RBFOX1: variants seen among roughly 807,000 people sequenced by gnomAD.
The protein encoded by RBFOX1 is RNA binding fox-1 homolog 1, also known as RNA binding protein fox-1 homolog 1.
RBFOX1 carries 8 observed loss-of-function variants against 57.7 expected under a neutral mutation model. That is an observed-to-expected ratio of 0.14 (90% CI 0.08 to 0.25). RBFOX1 has a LOEUF of 0.25. Ranked by LOEUF, RBFOX1 falls within the 10% of genes least tolerant of loss-of-function variation. The pLI is 1.00. For synonymous variants in RBFOX1, 326 were observed against 222.4 expected (o/e 1.47, Z -4.15); for missense variants, 611 against 548.5 (o/e 1.11, Z -1.14).
intron 3 of RBFOX1, among the ~76,000 whole-genome samples, chr16:5,681,685 G>T (rs913585348): frequency 1.3e-5 from 2 of 152,070 alleles, no homozygotes; most frequent in Non-Finnish European, 2.9e-5. Context: ...GAGCCACTGT[G>T]CCCGGCCGGT....
intron 3 of RBFOX1, among the ~76,000 whole-genome samples, chr16:5,806,004 A>C (rs1006669251): frequency 6.6e-6 from 1 of 152,154 alleles, no homozygotes; most frequent in East Asian, 1.9e-4. Flanking sequence ...AATGGTAATG[A>C]ACATGGGTAT....
At chr16:5,978,127 CCAA>C (rs2060102066) in intron 4 of RBFOX1, among the ~76,000 whole-genome samples, 1 of 43,174 alleles carries the variant, frequency 2.3e-5, no homozygotes, top group Non-Finnish European at 3.6e-5. Context: ...CCTGTCTCTT[CCAA>C]AAAAAAAAAA....
intron 4 of RBFOX1, among the ~76,000 whole-genome samples, chr16:6,009,802 A>ATG (rs753032432): frequency 0.04 from 2,371 of 58,566 alleles, 62 homozygotes; most frequent in African/African-American, 0.2. Context: ...CAGTGTGTGT[A>ATG]TGTGTGTGTG....
intron 3 of RBFOX1, among the ~76,000 whole-genome samples, chr16:7,003,777 T>C (rs2093048639): frequency 6.6e-6 from 1 of 152,162 alleles, no homozygotes. Context: ...CTAATTTTAT[T>C]AATAGAACTT....
chr16:5,468,736 C>T (rs539380728), intron 2 of RBFOX1, among the ~76,000 whole-genome samples: 2 of 152,348 alleles, frequency 1.3e-5, no homozygotes, highest in South Asian at 4.1e-4. Flanking sequence ...CATTCTACAA[C>T]TTGGATGAAT....
chr16:7,504,180 C>G (rs2071970948), intron 4 of RBFOX1, among the ~76,000 whole-genome samples: 1 of 152,036 alleles, frequency 6.6e-6, no homozygotes, highest in Non-Finnish European at 1.5e-5. Context: ...CTTAGCGTCT[C>G]AGAGCCTATT....
At chr16:5,588,133 AT>A (rs1351249686) in intron 2 of RBFOX1, among the ~76,000 whole-genome samples, 1 of 152,190 alleles carries the variant, frequency 6.6e-6, no homozygotes, top group African/African-American at 2.4e-5. Flanking sequence ...GTGTGAATTC[AT>A]TTACATGAAA....
At chr16:7,685,033 T>G (rs1446231982) in intron 14 of RBFOX1, among the ~76,000 whole-genome samples, 1 of 152,052 alleles carries the variant, frequency 6.6e-6, no homozygotes, top group Non-Finnish European at 1.5e-5. Context: ...TAAAGTGTAG[T>G]TTCCAGACCA....
At chr16:7,215,998 C>T (rs1178467566) in intron 4 of RBFOX1, among the ~76,000 whole-genome samples, 1 of 152,120 alleles carries the variant, frequency 6.6e-6, no homozygotes, top group East Asian at 1.9e-4. Context: ...GCTGAGATTA[C>T]AGGCGTGAGC....
chr16:6,342,112 G>A (rs2084660684), intron 2 of RBFOX1, among the ~76,000 whole-genome samples: 1 of 152,152 alleles, frequency 6.6e-6, no homozygotes, highest in African/African-American at 2.4e-5. Flanking sequence ...ACAGGAATTG[G>A]CAAACTATCA....
chr16:5,366,630 C>G (rs1044316247), intron 1 of RBFOX1: 6 of 416,422 alleles, frequency 1.4e-5, no homozygotes, highest in Non-Finnish European at 2.7e-5. Flanking sequence ...TGAAGAATTG[C>G]TTCTGGATGA....
intron 10 of RBFOX1, among the ~76,000 whole-genome samples, chr16:7,620,901 G>C (rs980229822): frequency 6.6e-6 from 1 of 152,104 alleles, no homozygotes; most frequent in Non-Finnish European, 1.5e-5. Flanking sequence ...ATCTTGTATA[G>C]CACCTGAAAC....
chr16:6,158,227 T>C (rs7185450), intron 1 of RBFOX1, among the ~76,000 whole-genome samples: 125,115 of 152,184 alleles, frequency 0.82, 51,704 homozygotes, highest in Non-Finnish European at 0.86. Context: ...CGGCGGGGCC[T>C]TGGACTTGTC....
At position 6,146,341 on chromosome 16, in the gene RBFOX1, A is replaced by G. The variant is rs186334309; in HGVS notation, c.-127+126349A>G. ...ATTTTTAGCTGTTCAATGGGTGATA[A>G]TGGAAAGTAAGTCCAGATTAGCCTC... On this transcript the variant is annotated intron_variant, in intron 1 of 15. Transcript: ENST00000550418. Among the ~76,000 whole-genome samples, 6 of 152,302 alleles carry G rather than the reference A, an allele frequency of 3.9e-5. No individual in the cohort carries two copies. In the East Asian group the frequency reaches 9.6e-4, roughly 24 times the overall value.
At position 6,019,743 on chromosome 16, in the gene RBFOX1, C is replaced by T. The variant is rs1567269337; in HGVS notation, c.-376C>T. Reference sequence around the variant, plus strand: ...GGACCGCGCGCCCGGGATTGAGAGTCCTTGCGCTCCAGACCCCCACCCAGT... The same window carrying T: ...GGACCGCGCGCCCGGGATTGAGAGTTCTTGCGCTCCAGACCCCCACCCAGT... On this transcript the variant is annotated 5_prime_UTR_variant, in exon 1 of 16. Coordinates refer to ENST00000550418, the MANE Select transcript of RBFOX1 (RefSeq NM_018723.4). The surrounding 1 kb of genome is among the most constrained non-coding windows in gnomAD (Gnocchi z 4.2). The T allele has an allele frequency of 7.3e-7, 1 of 1,378,904 alleles. No individual in the cohort carries two copies. The highest frequency in any genetic ancestry group is 9.4e-7 in the Non-Finnish European group (1 of 1,065,846). The allele number at this position is 1,378,904 out of a possible 1,614,324, so 85.4% of individuals were successfully genotyped here. A position where few individuals can be genotyped will look rare whatever the true frequency, so the allele number is the denominator to read the frequency against.
intron 5 of RBFOX1, among the ~76,000 whole-genome samples, chr16:7,523,241 A>T (rs571973887): frequency 6.6e-6 from 1 of 152,122 alleles, no homozygotes; most frequent in African/African-American, 2.4e-5. Flanking sequence ...TTACCTACAC[A>T]TGGGCATTTG....
At chr16:7,540,818 A>G (rs2082714724) in intron 5 of RBFOX1, among the ~76,000 whole-genome samples, 1 of 152,178 alleles carries the variant, frequency 6.6e-6, no homozygotes, top group East Asian at 1.9e-4. Context: ...TGTTTTGCAG[A>G]TTTAAGAAAC....
At chr16:7,484,769 T>G (rs930609517) in intron 4 of RBFOX1, among the ~76,000 whole-genome samples, 1 of 152,290 alleles carries the variant, frequency 6.6e-6, no homozygotes, top group African/African-American at 2.4e-5. Flanking sequence ...TGGCTGGCAT[T>G]GGGTATTTTT....
At chr16:7,331,045 A>G (rs932555699) in intron 4 of RBFOX1, among the ~76,000 whole-genome samples, 5 of 152,182 alleles carry the variant, frequency 3.3e-5, no homozygotes, top group Non-Finnish European at 7.3e-5. Context: ...ATGAGAATCA[A>G]TTACAGAGAA....
Sources: allele counts gnomAD v4.1 joint callset (sites outside exome capture counted in the v4.1 genomes callset), GRCh38; gene constraint gnomAD v4.1.1; non-coding constraint Gnocchi (gnomAD v3.1); transcripts MANE v1.5; gene names NCBI Gene and HGNC (gene_info 2026-07-23, HGNC 2026-07-21).